The following RARB variants were observed in gnomAD, a reference collection of about 807,000 sequenced individuals.
RARB encodes HBV-activated protein.
A neutral mutation model predicts 51.9 loss-of-function variants in RARB; 17 were observed. The observed-to-expected ratio is 0.33, with a 90% CI of 0.22 to 0.49. The LOEUF is 0.49. RARB is among the 20% of genes least tolerant of loss of function. The pLI, the probability that RARB is intolerant of heterozygous loss-of-function variation, is 0.99. For missense variants in RARB, 369 were observed against 550.8 expected, an observed-to-expected ratio of 0.67 and a Z score of 3.30; for synonymous variants, 215 against 195.4, an observed-to-expected ratio of 1.10 and a Z score of -0.84.
At chr3:25,431,025 G>A (rs1301419991) in intron 1 of RARB, among the ~76,000 whole-genome samples, 4 of 104,082 alleles carry the variant, frequency 3.8e-5, no homozygotes, top group Non-Finnish European at 7.4e-5. Flanking sequence ...TCTAACAAAT[G>A]TCTTGTGCCA....
intron 2 of RARB, among the ~76,000 whole-genome samples, chr3:25,016,117 T>C (rs1697502645): frequency 1.3e-5 from 2 of 152,316 alleles, no homozygotes; most frequent in South Asian, 2.1e-4. Context: ...AAAATCAGTA[T>C]GAGACAGGAG....
intron 2 of RARB, among the ~76,000 whole-genome samples, chr3:25,051,982 A>G (rs1215471721): frequency 1.3e-5 from 2 of 152,200 alleles, no homozygotes; most frequent in Admixed American, 6.5e-5. Flanking sequence ...CACTCATGCT[A>G]CAGGCACAGT....
intron 1 of RARB, among the ~76,000 whole-genome samples, chr3:24,838,193 T>C (rs994832843): frequency 6.6e-6 from 1 of 152,218 alleles, no homozygotes; most frequent in Non-Finnish European, 1.5e-5. Flanking sequence ...GTCCTTGTAC[T>C]TCCAATTTCT....
chr3:25,446,596 G>T (rs1266754942), intron 1 of RARB, among the ~76,000 whole-genome samples: 2 of 152,116 alleles, frequency 1.3e-5, no homozygotes, highest in African/African-American at 4.8e-5. Flanking sequence ...GAGGTCAGGA[G>T]ATTGAGACCA....
At chr3:25,243,175 C>T (rs905998835) in intron 5 of RARB, among the ~76,000 whole-genome samples, 2 of 152,146 alleles carry the variant, frequency 1.3e-5, no homozygotes, top group African/African-American at 4.8e-5. Context: ...TGAGACTTTG[C>T]TGAAGTTACT....
At position 25,272,023 on chromosome 3, in the gene RARB, A is replaced by G. The variant is rs544272190; in HGVS notation, c.178+97448A>G. On this transcript the variant is annotated intron_variant, in intron 5 of 11. Coordinates refer to the RARB transcript ENST00000383772. ...GGTTATTTAAGTTTAAAGATAAAAT[A>G]ATTAAAATGAAATAAAATTTAAAAT... Among the ~76,000 whole-genome samples the G allele has an allele frequency of 5.3e-5, 8 of 152,348 alleles. 1 individual carries two copies. The highest frequency in any genetic ancestry group is 1.9e-4 in the African/African-American group (8 of 41,580).
At chr3:25,513,685 C>CACACACACACACACACAT (rs1490813412) in intron 3 of RARB, among the ~76,000 whole-genome samples, 2 of 151,894 alleles carry the variant, frequency 1.3e-5, no homozygotes, top group Admixed American at 6.6e-5. Flanking sequence ...CACACACACA[C>CACACACACACACACACAT]ATTTCATCAA....
intron 2 of RARB, among the ~76,000 whole-genome samples, chr3:24,962,221 G>A (rs1007674832): frequency 4.6e-5 from 7 of 151,358 alleles, no homozygotes; most frequent in South Asian, 4.2e-4. Flanking sequence ...GAGCCACCTC[G>A]CCCGGCCCCT....
intron 3 of RARB, among the ~76,000 whole-genome samples, chr3:25,502,178 G>T (rs532808208): frequency 2.0e-5 from 3 of 152,212 alleles, no homozygotes; most frequent in Non-Finnish European, 2.9e-5. Context: ...TGAGCAGTGG[G>T]CTGGGTGCTG....
At chr3:24,897,299 C>T (rs190654223) in intron 2 of RARB, among the ~76,000 whole-genome samples, 67 of 152,112 alleles carry the variant, frequency 4.4e-4, no homozygotes, top group South Asian at 3.7e-3. Flanking sequence ...AGGAGTAAAA[C>T]GCTCAGGGGT....
rs575687059 is a variant in RARB at position 25,114,734 on chromosome 3, A to G, written c.-327-17427A>G. 1.1e-3 allele frequency among the ~76,000 whole-genome samples: 173 copies of G among 152,312 alleles called. 1 individual carries two copies. The highest frequency in any genetic ancestry group is 4.0e-3 in the African/African-American group (167 of 41,580). Reference sequence around the variant, plus strand: ...GGAAAGAAGATTAGGTTGCTGTCGGAACACCTTCTGTTGACACCTCTGGCA... The same window carrying G: ...GGAAAGAAGATTAGGTTGCTGTCGGGACACCTTCTGTTGACACCTCTGGCA... On this transcript the variant is annotated intron_variant, in intron 3 of 11. Coordinates refer to the RARB transcript ENST00000383772.
chr3:24,983,609 C>T (rs1319324737), intron 2 of RARB, among the ~76,000 whole-genome samples: 1 of 152,082 alleles, frequency 6.6e-6, no homozygotes, highest in East Asian at 1.9e-4. Flanking sequence ...GTTCAACCCC[C>T]ACTTATGAGT....
intron 2 of RARB, among the ~76,000 whole-genome samples, chr3:25,056,895 G>C (rs767862799): frequency 1.3e-5 from 2 of 151,970 alleles, no homozygotes; most frequent in Non-Finnish European, 2.9e-5. Context: ...CGAGTGACTC[G>C]CTAAAGTCTG....
At chr3:24,945,045 C>G (rs1310074396) in intron 2 of RARB, among the ~76,000 whole-genome samples, 1 of 152,142 alleles carries the variant, frequency 6.6e-6, no homozygotes, top group African/African-American at 2.4e-5. Flanking sequence ...ACATGGGGAA[C>G]AGTGACCTAG....
intron 3 of RARB, among the ~76,000 whole-genome samples, chr3:25,548,543 T>C (rs1699714057): frequency 6.6e-6 from 1 of 151,634 alleles, no homozygotes; most frequent in African/African-American, 2.4e-5. Context: ...TTTCTTTAAA[T>C]GTGATGCACA....
intron 5 of RARB, among the ~76,000 whole-genome samples, chr3:25,339,581 GT>G (rs34570809): frequency 0.057 from 8,164 of 143,744 alleles, 531 homozygotes; most frequent in African/African-American, 0.16. Context: ...TTCAGCTGAA[GT>G]TTTTTTTTTT....
intron 3 of RARB, among the ~76,000 whole-genome samples, chr3:25,084,309 G>T (rs987044368): frequency 5.9e-5 from 9 of 152,118 alleles, no homozygotes; most frequent in African/African-American, 2.2e-4. Flanking sequence ...GATTAAAACA[G>T]TTGCTGTATG....
chr3:25,197,610 C>T (rs1369855671), intron 5 of RARB, among the ~76,000 whole-genome samples: 1 of 151,712 alleles, frequency 6.6e-6, no homozygotes, highest in African/African-American at 2.4e-5. Flanking sequence ...CAAAATCAAC[C>T]TACAAAATAT....
intron 5 of RARB, among the ~76,000 whole-genome samples, chr3:25,341,156 C>G (rs1705215385): frequency 6.6e-6 from 1 of 152,082 alleles, no homozygotes; most frequent in Admixed American, 6.6e-5. Flanking sequence ...TCTTGGAGAC[C>G]AAAAGTCTTC....
Sources: allele counts gnomAD v4.1 joint callset (sites outside exome capture counted in the v4.1 genomes callset), GRCh38; gene constraint gnomAD v4.1.1; transcripts MANE v1.5; gene names NCBI Gene and HGNC (gene_info 2026-07-23, HGNC 2026-07-21).